DRC7: variants seen among roughly 807,000 people sequenced by gnomAD.
DRC7 encodes the protein coiled-coil domain containing 135.
Under a neutral mutation model 104.4 loss-of-function variants are expected in DRC7, and 80 were observed. That is an observed-to-expected ratio of 0.77 (90% CI 0.64 to 0.92). The LOEUF (loss-of-function observed/expected upper bound fraction) is 0.92. DRC7 is among the 40% of genes least tolerant of loss of function. DRC7 has a pLI of 0.00. For synonymous variants in DRC7, 405 were observed against 447.3 expected, an observed-to-expected ratio of 0.91 and a Z score of 1.19; for missense variants, 1,034 against 1,141.1, an observed-to-expected ratio of 0.91 and a Z score of 1.35.
At chr16:57,712,933 A>G (rs1385447894) in intron 8 of DRC7, among the ~76,000 whole-genome samples, 1 of 152,068 alleles carries the variant, frequency 6.6e-6, no homozygotes, top group African/African-American at 2.4e-5. Flanking sequence ...TTTCCATTCA[A>G]TATGCTCTCC....
chr16:57,697,351 G>T (rs2048604105), intron 2 of DRC7, among the ~76,000 whole-genome samples: 1 of 152,056 alleles, frequency 6.6e-6, no homozygotes, highest in South Asian at 2.1e-4. Flanking sequence ...AAAGCAGGAA[G>T]ATCGCTTGAG....
chr16:57,697,835 C>T (rs911244270), intron 2 of DRC7, 78 bp from the exon 3 acceptor site: 10 of 1,489,614 alleles, frequency 6.7e-6, no homozygotes, highest in Non-Finnish European at 8.1e-6. Context: ...CCAGGCCTCC[C>T]GGGGATGCCC....
chr16:57,723,556 C>T (rs1245167768), intron 12 of DRC7, among the ~76,000 whole-genome samples: 9 of 151,990 alleles, frequency 5.9e-5, no homozygotes, highest in African/African-American at 2.2e-4. Flanking sequence ...GGTGAAACCC[C>T]ATCTCTACAA....
intron 8 of DRC7, among the ~76,000 whole-genome samples, chr16:57,715,701 C>T (rs1418782990): frequency 6.6e-6 from 1 of 152,198 alleles, no homozygotes; most frequent in Non-Finnish European, 1.5e-5. Context: ...GATCATTTCT[C>T]CCACGCCACA....
At chr16:57,707,860 G>A (rs1199229368) in intron 8 of DRC7, 182 bp downstream of exon 8, 21 of 619,934 alleles carry the variant, frequency 3.4e-5, no homozygotes, top group African/African-American at 2.7e-4. Flanking sequence ...ATTCTGATAC[G>A]ATTATTGTCT....
chr16:57,730,613 A>G (rs934730277), intron 17 of DRC7, among the ~76,000 whole-genome samples: 1 of 152,064 alleles, frequency 6.6e-6, no homozygotes, highest in Non-Finnish European at 1.5e-5. Context: ...GGGGAGTACA[A>G]TGACCCTCCT....
intron 7 of DRC7, among the ~76,000 whole-genome samples, chr16:57,706,545 TCCTCC>T: frequency 2.4e-5 from 2 of 84,714 alleles, no homozygotes; most frequent in East Asian, 4.0e-4. Flanking sequence ...CATCCACCCA[TCCTCC>T]CATCCTCCCA....
rs2049062114 is a variant in DRC7, at chr16:57,731,547, G to C, written c.*289G>C. ...ACCACCCCCTTCCTCCCCTTGGCCT[G>C]TCGTTTGCTTCCTGTCCTTCTCTCC... On this transcript the variant is annotated 3_prime_UTR_variant, in exon 19 of 19. Transcript: ENST00000360716. The C allele has an allele frequency of 6.6e-6, 3 of 456,620 alleles. No individual in the cohort carries two copies. The highest frequency in any genetic ancestry group is 7.7e-5 in the Admixed American group (2 of 25,868). The allele number at this position is 456,620 out of a possible 1,614,324, so 28.3% of individuals were successfully genotyped here.
chr16:57,716,889 G>A (rs574752470), intron 8 of DRC7, among the ~76,000 whole-genome samples: 42 of 152,272 alleles, frequency 2.8e-4, no homozygotes, highest in Non-Finnish European at 2.8e-4. Flanking sequence ...TTATCTGACA[G>A]ATGAGCCACT....
Position 57,702,105 on chromosome 16 carries a change from G to A in DRC7, c.674G>A (p.Cys225Tyr). 1 of 1,614,106 alleles carries A rather than the reference G, an allele frequency of 6.2e-7. No individual in the cohort carries two copies. The highest frequency in any genetic ancestry group is 8.5e-7 in the Non-Finnish European group (1 of 1,180,020). Residue 225 changes from cysteine (C) to tyrosine (Y), a missense_variant, in exon 6 of 19, where the codon TGC (cysteine) becomes TAC (tyrosine). Cys to Tyr is a radical substitution (Grantham distance 194). Coordinates refer to ENST00000360716, the MANE Select transcript of DRC7 (RefSeq NM_001289162.2). The part of the protein sequence containing the change: ...LCHMDLTREV[C>Y]PLTVKPKETI... ...CACATGGACCTGACGCGGGAGGTGT[G>A]CCCACTCACTGTGAAGCCCAAGGAG...
rs551394242 is a variant in DRC7 at position 57,705,300 on chromosome 16, C to T, written c.858+266C>T. 1.2e-3 allele frequency among the ~76,000 whole-genome samples: 185 copies of T among 152,080 alleles called. 1 individual carries two copies. Among genetic ancestry groups the T allele is most frequent in the Middle Eastern group, 3.4e-3 (1 of 294 alleles). ...AGGCAGCTCTGGTGTCCTCTTTGCTCTAGACTCTTACTGGGGATATACCTG... is the reference window on the plus strand; with the variant it reads ...AGGCAGCTCTGGTGTCCTCTTTGCTTTAGACTCTTACTGGGGATATACCTG... On this transcript the variant is annotated intron_variant, in intron 7 of 18. Coordinates refer to ENST00000360716, the MANE Select transcript of DRC7 (RefSeq NM_001289162.2).
intron 3 of DRC7, among the ~76,000 whole-genome samples, chr16:57,698,562 T>C: frequency 6.6e-6 from 1 of 152,032 alleles, no homozygotes; most frequent in East Asian, 1.9e-4. Flanking sequence ...GGTGTGGTGG[T>C]GCCTATAGTC....
chr16:57,696,769 G>T (rs1371955667), intron 2 of DRC7, among the ~76,000 whole-genome samples, 175 bp downstream of exon 2: 2 of 152,192 alleles, frequency 1.3e-5, no homozygotes, highest in Admixed American at 6.5e-5. Flanking sequence ...CTCCCTGTTT[G>T]TATGCCCTGG....
chr16:57,704,376 T>C (rs1357354835), intron 6 of DRC7, among the ~76,000 whole-genome samples: 1 of 149,100 alleles, frequency 6.7e-6, no homozygotes, highest in South Asian at 2.1e-4. Context: ...CACGCAAGCG[T>C]ACACACACAC....
Position 57,698,058 on chromosome 16 carries a change from G to C in DRC7, c.109G>C (p.Val37Leu). 1 of 1,614,148 alleles carries C rather than the reference G, an allele frequency of 6.2e-7. No homozygotes were observed. The highest frequency in any genetic ancestry group is 8.5e-7 in the Non-Finnish European group (1 of 1,180,030). The part of the protein sequence containing the change: ...RMEKMMRPVE[V>L]RKEEITLKQE... ...GGAGAAAATGATGAGGCCAGTTGAGGTGCGGAAGGAGGAAATCACCTTAAA... is the reference window on the plus strand; with the variant it reads ...GGAGAAAATGATGAGGCCAGTTGAGCTGCGGAAGGAGGAAATCACCTTAAA... The change falls in exon 3 of 19, where the codon GTG (valine) becomes CTG (leucine). Residue 37 changes from valine to leucine, a missense_variant. Physicochemically the swap from Val to Leu is conservative, Grantham distance 32. Coordinates refer to ENST00000360716, the MANE Select transcript of DRC7 (RefSeq NM_001289162.2).
intron 8 of DRC7, 48 bp from the exon 9 acceptor site, chr16:57,718,299 C>T (rs577834696): frequency 4.7e-5 from 75 of 1,599,852 alleles, no homozygotes; most frequent in East Asian, 3.6e-4. Flanking sequence ...CAGGTGGGGA[C>T]GTGGTGGCTG....
At chr16:57,701,914 C>A in intron 5 of DRC7, 22 bp from the exon 6 acceptor site, 1 of 1,606,394 alleles carries the variant, frequency 6.2e-7, no homozygotes, top group Non-Finnish European at 8.5e-7. Flanking sequence ...CCCAGCTGTG[C>A]TGACCGTCCC....
In DRC7 at chr16:57,722,724, C is replaced by T. The variant is rs546569413; in HGVS notation, c.1291C>T (p.Arg431Cys). Residue 431 changes from arginine (R) to cysteine (C), a missense_variant, in exon 11 of 19, where the codon CGC (arginine) becomes TGC (cysteine). By Grantham distance (180) the Arg-to-Cys change is radical. Coordinates refer to ENST00000360716, the MANE Select transcript of DRC7 (RefSeq NM_001289162.2). ...IEISPEAFET[R>C]CPNGKKVIQY... ...GACTGTGTCCACAGCATTTGAGACC[C>T]GCTGCCCGAACGGGAAGAAGGTGAT... The T allele has an allele frequency of 2.0e-5, 33 of 1,613,532 alleles. No individual in the cohort carries two copies. The highest frequency in any genetic ancestry group is 1.8e-4 in the East Asian group (8 of 44,876).
intron 9 of DRC7, 150 bp from the exon 10 acceptor site, chr16:57,721,517 C>T: frequency 3.2e-6 from 2 of 631,042 alleles, no homozygotes; most frequent in South Asian, 3.8e-5. Context: ...TTTTCCACAT[C>T]ATGGGTCGTG....
Sources: allele counts gnomAD v4.1 joint callset (sites outside exome capture counted in the v4.1 genomes callset), GRCh38; gene constraint gnomAD v4.1.1; transcripts MANE v1.5; gene names NCBI Gene and HGNC (gene_info 2026-07-23, HGNC 2026-07-21).